ANK2: variants seen among roughly 807,000 people sequenced by gnomAD.
The protein encoded by ANK2 is ankyrin-2.
Under a neutral mutation model 360.5 loss-of-function variants are expected in ANK2, and 83 were observed. That is an observed-to-expected ratio of 0.23 (90% confidence interval 0.19 to 0.28). The LOEUF is 0.28. Among genes scored for constraint, ANK2 ranks in the 10% least tolerant of loss-of-function variants. The pLI is 1.00. For synonymous variants in ANK2, 1,740 were observed against 1,759.5 expected (o/e 0.99, Z 0.28); for missense variants, 4,201 against 4,795.7 (o/e 0.88, Z 3.66).
intron 1 of ANK2, among the ~76,000 whole-genome samples, chr4:112,850,445 CTTTTT>C (rs548963656): frequency 2.7e-5 from 2 of 74,236 alleles, no homozygotes; most frequent in African/African-American, 5.3e-5. Flanking sequence ...TTGTTCGTTT[CTTTTT>C]TTTTTTTTTT....
intron 1 of ANK2, among the ~76,000 whole-genome samples, chr4:113,139,297 C>T (rs1287450009): frequency 6.6e-6 from 1 of 152,316 alleles, no homozygotes; most frequent in African/African-American, 2.4e-5. Flanking sequence ...TTTAAAATCA[C>T]CTTAACTGAG....
the ANK2 span, among the ~76,000 whole-genome samples, chr4:112,751,183 A>G: frequency 1.3e-5 from 2 of 151,608 alleles, no homozygotes; most frequent in South Asian, 2.1e-4. Context: ...ACCAACCCCA[A>G]CCTCCCCCTC....
Position 113,353,173 on chromosome 4 carries a change from G to A in ANK2, c.4555G>A (p.Ala1519Thr), listed in dbSNP as rs200920714. 5 of 1,613,892 alleles carry A rather than the reference G, an allele frequency of 3.1e-6. No homozygotes were observed. The highest frequency in any genetic ancestry group is 1.1e-5 in the South Asian group (1 of 91,078). ...GAAACAAGATTTGATCAAAATGACC[G>A]CCATCTTGACCACAGATGTGTCTGA... ...EMKQDLIKMTAILTTDVSDKA... is the reference protein window; with the variant it reads ...EMKQDLIKMTTILTTDVSDKA... The change falls in exon 38 of 46, where the codon GCC becomes ACC. Residue 1519 changes from alanine to threonine, a missense_variant. Physicochemically the swap from Ala to Thr is moderately conservative, Grantham distance 58. Coordinates refer to ENST00000357077, the MANE Select transcript of ANK2 (RefSeq NM_001148.6).
intron 1 of ANK2, among the ~76,000 whole-genome samples, chr4:113,164,654 A>G (rs529136067): frequency 1.2e-4 from 18 of 152,340 alleles, no homozygotes; most frequent in African/African-American, 2.6e-4. Flanking sequence ...AATTAACACT[A>G]TAAGATGCGG....
chr4:113,164,117 A>G (rs1293864055), intron 1 of ANK2, among the ~76,000 whole-genome samples: 1 of 151,880 alleles, frequency 6.6e-6, no homozygotes, highest in Non-Finnish European at 1.5e-5. Flanking sequence ...AAAAGGGACT[A>G]GGCTGGGTGC....
At chr4:112,754,374 C>G in the ANK2 span, among the ~76,000 whole-genome samples, 3 of 151,536 alleles carry the variant, frequency 2.0e-5, no homozygotes, top group Non-Finnish European at 4.4e-5. Flanking sequence ...CGGATGATTT[C>G]TAACATCCTT....
chr4:112,957,981 C>A (rs1051625191), intron 2 of ANK2, among the ~76,000 whole-genome samples: 5 of 151,034 alleles, frequency 3.3e-5, no homozygotes, highest in African/African-American at 7.3e-5. Context: ...AGGCGCTCCC[C>A]ACGTCTCAGA....
chr4:113,055,663 T>C (rs746224117), intron 1 of ANK2, among the ~76,000 whole-genome samples: 7 of 152,222 alleles, frequency 4.6e-5, no homozygotes, highest in Admixed American at 1.3e-4. Context: ...GCTATCTTAT[T>C]TGATCTTCAG....
chr4:112,924,628 A>G (rs987561463), intron 2 of ANK2, among the ~76,000 whole-genome samples: 1 of 151,946 alleles, frequency 6.6e-6, no homozygotes, highest in African/African-American at 2.4e-5. Flanking sequence ...CTTTTAAAGA[A>G]ATTGTAATGA....
chr4:113,376,803 T>TG (rs1491358984), intron 45 of ANK2, among the ~76,000 whole-genome samples: 1 of 1,226 alleles, frequency 8.2e-4, no homozygotes, highest in African/African-American at 1.0e-3. Context: ...CTTTTTAAGG[T>TG]TTTTTTTTTT....
the ANK2 span, chr4:112,797,737 A>G: frequency 1.7e-5 from 3 of 175,470 alleles, no homozygotes; most frequent in Non-Finnish European, 3.8e-5. Context: ...TCCTTGCTAT[A>G]TACTCACGGA....
At chr4:112,854,601 C>T (rs2065875440) in intron 1 of ANK2, among the ~76,000 whole-genome samples, 1 of 152,128 alleles carries the variant, frequency 6.6e-6, no homozygotes, top group East Asian at 1.9e-4. Flanking sequence ...GACTTAGTGA[C>T]TAAATGGCTG....
At chr4:112,791,514 G>C in the ANK2 span, among the ~76,000 whole-genome samples, 1 of 130,846 alleles carries the variant, frequency 7.6e-6, no homozygotes, top group Non-Finnish European at 1.5e-5. Context: ...CTTGAGACAG[G>C]GTCTGGCTCT....
intron 10 of ANK2, among the ~76,000 whole-genome samples, chr4:113,251,936 G>A (rs987861045): frequency 6.6e-6 from 1 of 152,140 alleles, no homozygotes; most frequent in Non-Finnish European, 1.5e-5. Flanking sequence ...TCTCCTGGGA[G>A]TGGAATAGGT....
intron 24 of ANK2, among the ~76,000 whole-genome samples, chr4:113,315,238 C>T (rs887573851): frequency 7.2e-5 from 11 of 152,150 alleles, no homozygotes; most frequent in African/African-American, 1.4e-4. Flanking sequence ...TTGCAAAGTG[C>T]GACTTTACTT....
intron 2 of ANK2, among the ~76,000 whole-genome samples, chr4:113,186,471 A>AAGAT (rs2153310498): frequency 1.3e-5 from 2 of 152,222 alleles, no homozygotes; most frequent in African/African-American, 4.8e-5. Flanking sequence ...GGCTGAAAAA[A>AAGAT]AGATTCTAAA....
chr4:113,315,701 A>G (rs111937232), intron 24 of ANK2, among the ~76,000 whole-genome samples: 1 of 152,220 alleles, frequency 6.6e-6, no homozygotes, highest in Admixed American at 6.5e-5. Context: ...GATCGAGACC[A>G]TCCTGGCTAA....
intron 1 of ANK2, among the ~76,000 whole-genome samples, chr4:113,135,332 C>T (rs1479982140): frequency 6.6e-6 from 1 of 151,584 alleles, no homozygotes; most frequent in Non-Finnish European, 1.5e-5. Flanking sequence ...GAGGTGACAG[C>T]TGTAAGGAGG....
the ANK2 span, among the ~76,000 whole-genome samples, chr4:112,799,107 C>T: frequency 6.6e-5 from 10 of 152,296 alleles, no homozygotes; most frequent in Admixed American, 2.0e-4. Context: ...CTTAGTATAA[C>T]GTCTTCAAGA....
Sources: allele counts gnomAD v4.1 joint callset (sites outside exome capture counted in the v4.1 genomes callset), GRCh38; gene constraint gnomAD v4.1.1; transcripts MANE v1.5; gene names NCBI Gene and HGNC (gene_info 2026-07-23, HGNC 2026-07-21).